Variants in EXT1 observed in about 807,000 individuals in gnomAD.
The protein encoded by EXT1 is exostosin glycosyltransferase 1, also known as exostosin-1.
In EXT1, 20 loss-of-function variants were observed where a neutral mutation model predicts 82.5. The ratio of observed to expected loss-of-function variants is 0.24; its 90% CI spans 0.17 to 0.35. The LOEUF is 0.35. EXT1 is among the 10% of genes least tolerant of loss of function. EXT1 has a pLI of 1.00. For missense variants in EXT1, 757 were observed against 936.5 expected (o/e 0.81, Z 2.50); for synonymous variants, 348 against 350.8 (o/e 0.99, Z 0.09).
chr8:118,092,089 A>C (rs1317046877), intron 1 of EXT1, among the ~76,000 whole-genome samples: 1 of 152,238 alleles, frequency 6.6e-6, no homozygotes, highest in Non-Finnish European at 1.5e-5. Context: ...GTCGAGTATA[A>C]AGTGTGAAAT....
At chr8:117,809,569 G>A (rs915773976) in intron 8 of EXT1, among the ~76,000 whole-genome samples, 1 of 151,664 alleles carries the variant, frequency 6.6e-6, no homozygotes, top group Non-Finnish European at 1.5e-5. Flanking sequence ...CCCAGGAGGC[G>A]GAGGTTGCGG....
intron 1 of EXT1, among the ~76,000 whole-genome samples, chr8:118,047,715 C>T (rs571395653): frequency 5.0e-4 from 76 of 152,218 alleles, no homozygotes; most frequent in African/African-American, 1.8e-3. Context: ...ATACTTAATA[C>T]GAAAAAATAT....
chr8:117,952,854 A>T (rs1177940867), intron 1 of EXT1, among the ~76,000 whole-genome samples: 3 of 152,206 alleles, frequency 2.0e-5, no homozygotes, highest in African/African-American at 7.2e-5. Context: ...TAAGCCATGG[A>T]AAATGGAAGA....
At position 117,968,553 on chromosome 8, in the gene EXT1, A is replaced by ATTTTTTTTTTTT. The variant is rs1182180428; in HGVS notation, c.963-131364_963-131353dup. On this transcript the variant is annotated intron_variant, in intron 1 of 10. Transcript: ENST00000378204. Reference sequence around the variant, plus strand: ...TATTTATTTATTTATTTATTTATTTATTTTTTTTTTTTTTTTTTTTTTTTT... The same window carrying ATTTTTTTTTTTT: ...TATTTATTTATTTATTTATTTATTTATTTTTTTTTTTTTTTTTTTTTTTTTTTTTTTTTTTTT... Among the ~76,000 whole-genome samples, 49 of 9,266 alleles carry ATTTTTTTTTTTT rather than the reference A, an allele frequency of 5.3e-3. 2 individuals carry two copies. The highest frequency in any genetic ancestry group is 6.0e-3 in the East Asian group (3 of 500). The allele number at this position is 9,266 out of a possible 152,430, so 6.1% of individuals were successfully genotyped here. A position where few individuals can be genotyped will look rare whatever the true frequency, so the allele number is the denominator to read the frequency against.
intron 1 of EXT1, among the ~76,000 whole-genome samples, chr8:117,915,706 G>A (rs578180133): frequency 6.6e-6 from 1 of 151,966 alleles, no homozygotes; most frequent in Non-Finnish European, 1.5e-5. Context: ...AATACAGAAA[G>A]TTAGCCGGGC....
At chr8:118,065,399 T>G (rs554180077) in intron 1 of EXT1, among the ~76,000 whole-genome samples, 1 of 152,112 alleles carries the variant, frequency 6.6e-6, no homozygotes, top group Non-Finnish European at 1.5e-5. Context: ...CAAGGAAAGA[T>G]CAGGTGAGGA....
At chr8:118,069,065 G>A (rs190126497) in intron 1 of EXT1, among the ~76,000 whole-genome samples, 6 of 152,260 alleles carry the variant, frequency 3.9e-5, no homozygotes, top group Admixed American at 3.9e-4. Flanking sequence ...TTCATTAAAT[G>A]GCAGTTCTTA....
At chr8:117,975,999 G>A (rs1212523470) in intron 1 of EXT1, among the ~76,000 whole-genome samples, 2 of 152,172 alleles carry the variant, frequency 1.3e-5, no homozygotes, top group African/African-American at 4.8e-5. Flanking sequence ...CATGAGCTAC[G>A]GAAGTGAGCC....
At chr8:117,964,266 C>T (rs998370225) in intron 1 of EXT1, among the ~76,000 whole-genome samples, 3 of 152,172 alleles carry the variant, frequency 2.0e-5, no homozygotes, top group African/African-American at 4.8e-5. Context: ...TAATTCTTGT[C>T]TGCTAAGTTT....
chr8:118,010,671 T>C (rs910467755), intron 1 of EXT1, among the ~76,000 whole-genome samples: 3 of 152,200 alleles, frequency 2.0e-5, no homozygotes, highest in Non-Finnish European at 4.4e-5. Flanking sequence ...ATCACCTTGC[T>C]GGGAGGCTCC....
chr8:118,006,841 A>G (rs1815786083), intron 1 of EXT1, among the ~76,000 whole-genome samples: 1 of 152,252 alleles, frequency 6.6e-6, no homozygotes, highest in South Asian at 2.1e-4. Flanking sequence ...CACTCTCTCC[A>G]TGAAAGAGGC....
At chr8:118,012,017 C>A (rs923375589) in intron 1 of EXT1, among the ~76,000 whole-genome samples, 1 of 152,180 alleles carries the variant, frequency 6.6e-6, no homozygotes, top group Non-Finnish European at 1.5e-5. Flanking sequence ...CCCCAGGGAC[C>A]AACTTGGGAG....
intron 1 of EXT1, among the ~76,000 whole-genome samples, chr8:117,863,548 CAT>C (rs1421897184): frequency 6.6e-6 from 1 of 151,684 alleles, no homozygotes; most frequent in Non-Finnish European, 1.5e-5. Context: ...ACAGATTTAT[CAT>C]ATGTCCTGAT....
intron 1 of EXT1, among the ~76,000 whole-genome samples, chr8:118,103,838 A>G (rs1235888287): frequency 6.6e-6 from 1 of 152,238 alleles, no homozygotes; most frequent in African/African-American, 2.4e-5. Context: ...TCAGTGCTTA[A>G]ATGTCAGGTT....
intron 1 of EXT1, among the ~76,000 whole-genome samples, chr8:117,842,394 C>T (rs1812286915): frequency 6.6e-6 from 1 of 152,116 alleles, no homozygotes; most frequent in South Asian, 2.1e-4. Flanking sequence ...GATAACAGAA[C>T]ATAATGGAAA....
chr8:117,806,643 T>G (rs951701214), intron 9 of EXT1, among the ~76,000 whole-genome samples: 2 of 152,344 alleles, frequency 1.3e-5, no homozygotes, highest in East Asian at 3.9e-4. Flanking sequence ...ACATGTCCTC[T>G]TGACTTCCTG....
At chr8:117,811,070 C>G (rs1221001756) in intron 8 of EXT1, among the ~76,000 whole-genome samples, 1 of 152,094 alleles carries the variant, frequency 6.6e-6, no homozygotes, top group Non-Finnish European at 1.5e-5. Context: ...TCACCAGGTG[C>G]CTCATTCTCT....
At chr8:118,028,482 C>T (rs972505244) in intron 1 of EXT1, among the ~76,000 whole-genome samples, 1 of 151,852 alleles carries the variant, frequency 6.6e-6, no homozygotes. Flanking sequence ...CTGGTAGTTT[C>T]TAATTTTTCC....
At position 117,799,288 on chromosome 8, in the gene EXT1, G is replaced by A; in HGVS notation, c.*424C>T. ...AAGTTTGAGCTTTTGAAACTGCAGGGCACCCTACATGGCCATGACAATGAT... is the reference window on the plus strand; with the variant it reads ...AAGTTTGAGCTTTTGAAACTGCAGGACACCCTACATGGCCATGACAATGAT... On this transcript the variant is annotated 3_prime_UTR_variant, in exon 11 of 11. Transcript: ENST00000378204. 4.9e-6 allele frequency: 1 copy of A among 202,580 alleles called. No homozygotes were observed. The highest frequency in any genetic ancestry group is 1.2e-4 in the South Asian group (1 of 8,102). The allele number at this position is 202,580 out of a possible 1,614,324, so 12.5% of individuals were successfully genotyped here.
Sources: allele counts gnomAD v4.1 joint callset (sites outside exome capture counted in the v4.1 genomes callset), GRCh38; gene constraint gnomAD v4.1.1; transcripts MANE v1.5; gene names NCBI Gene and HGNC (gene_info 2026-07-23, HGNC 2026-07-21).